Variants in TMPRSS15 observed in about 807,000 individuals in gnomAD.
TMPRSS15 encodes enteropeptidase.
A neutral mutation model predicts 125.3 loss-of-function variants in TMPRSS15; 128 were observed. That is an observed-to-expected ratio of 1.02 (90% CI 0.89 to 1.18). TMPRSS15 has a LOEUF of 1.18. Ranked by LOEUF, TMPRSS15 falls within the 50% of genes most tolerant of loss-of-function variation. The probability of loss-of-function intolerance (pLI) is 0.00; values close to 1 mark genes in which losing one functional copy is unlikely to be tolerated. For missense variants in TMPRSS15, 1,283 were observed against 1,212.7 expected, an observed-to-expected ratio of 1.06 and a Z score of -0.86; for synonymous variants, 446 against 423.2, an observed-to-expected ratio of 1.05 and a Z score of -0.66.
At chr21:18,325,092 G>A (rs1056802752) in intron 16 of TMPRSS15, among the ~76,000 whole-genome samples, 1 of 146,378 alleles carries the variant, frequency 6.8e-6, no homozygotes, top group South Asian at 2.1e-4. Flanking sequence ...ACACACACAC[G>A]CTTATGTAAA....
intron 1 of TMPRSS15, among the ~76,000 whole-genome samples, chr21:18,456,416 G>A (rs1001075903): frequency 6.6e-6 from 1 of 152,176 alleles, no homozygotes; most frequent in Middle Eastern, 3.4e-3. Context: ...TATAATTCAT[G>A]TTAATTAAAC....
chr21:18,327,151 T>A (rs1040713977), intron 15 of TMPRSS15, among the ~76,000 whole-genome samples: 1 of 152,220 alleles, frequency 6.6e-6, no homozygotes, highest in Non-Finnish European at 1.5e-5. Flanking sequence ...AAGTTTTATA[T>A]GTTGGAAGCC....
At chr21:18,446,501 A>T (rs1337896207) in intron 1 of TMPRSS15, among the ~76,000 whole-genome samples, 1 of 152,230 alleles carries the variant, frequency 6.6e-6, no homozygotes, top group Non-Finnish European at 1.5e-5. Flanking sequence ...AAGCAATTCC[A>T]AGCAAAAAGA....
intron 10 of TMPRSS15, among the ~76,000 whole-genome samples, chr21:18,349,319 A>C (rs770156965): frequency 1.3e-5 from 2 of 152,170 alleles, no homozygotes; most frequent in Non-Finnish European, 1.5e-5. Context: ...TGCTTCTAAG[A>C]GGTACAGAGA....
chr21:18,297,762 G>A lies in TMPRSS15; in HGVS notation c.2233C>T (p.Pro745Ser). The A allele has an allele frequency of 6.2e-7, 1 of 1,613,752 alleles. No homozygotes were observed. Among genetic ancestry groups the A allele is most frequent in the Non-Finnish European group, 8.5e-7 (1 of 1,179,750 alleles). ...GGTGTTAGTATTAAGTGGCCATCAG[G>A]TGCTGTGTTTAATTTGACAAATGGT... ...GGPFVKLNTA[P>S]DGHLILTPSQ... The change falls in exon 19 of 25, where the codon CCT becomes TCT. Residue 745 changes from proline to serine, a missense_variant. Physicochemically the swap from Pro to Ser is moderately conservative, Grantham distance 74. Coordinates refer to ENST00000284885, the MANE Select transcript of TMPRSS15 (RefSeq NM_002772.3).
chr21:18,365,296 C>G (rs760090300), intron 6 of TMPRSS15, 48 bp from the exon 7 acceptor site: 1 of 1,441,806 alleles, frequency 6.9e-7, no homozygotes, highest in East Asian at 2.3e-5. Flanking sequence ...TCTTGGGATT[C>G]AAATTGGCTG....
chr21:18,380,213 A>G (rs1354965648), intron 4 of TMPRSS15, among the ~76,000 whole-genome samples: 1 of 149,688 alleles, frequency 6.7e-6, no homozygotes, highest in Non-Finnish European at 1.5e-5. Context: ...ACACTCATAT[A>G]TCTCTCATAT....
At chr21:18,334,000 G>T (rs2075368291) in intron 13 of TMPRSS15, among the ~76,000 whole-genome samples, 1 of 151,962 alleles carries the variant, frequency 6.6e-6, no homozygotes, top group South Asian at 2.1e-4. Context: ...TATTATGAAA[G>T]GCATATAATA....
intron 24 of TMPRSS15, among the ~76,000 whole-genome samples, chr21:18,274,290 G>T (rs1209333632): frequency 6.6e-6 from 1 of 152,116 alleles, no homozygotes; most frequent in African/African-American, 2.4e-5. Flanking sequence ...TCACCAATAA[G>T]TGTTAAAGCC....
At chr21:18,342,884 C>T (rs2075463215) in intron 12 of TMPRSS15, among the ~76,000 whole-genome samples, 1 of 152,280 alleles carries the variant, frequency 6.6e-6, no homozygotes, top group Admixed American at 6.5e-5. Flanking sequence ...TGAAATTACC[C>T]ATTTAAAACA....
chr21:18,473,549 C>T (rs1568737109), intron 1 of TMPRSS15, among the ~76,000 whole-genome samples: 1 of 152,008 alleles, frequency 6.6e-6, no homozygotes, highest in Non-Finnish European at 1.5e-5. Context: ...TTATTTTACC[C>T]ATTATAAGTT....
chr21:18,273,716 T>A (rs1041209761), intron 24 of TMPRSS15, among the ~76,000 whole-genome samples: 6 of 152,208 alleles, frequency 3.9e-5, no homozygotes, highest in Non-Finnish European at 8.8e-5. Flanking sequence ...ATAGATCTCC[T>A]TCTAAGTGGC....
chr21:18,350,882 C>G (rs1393307552), intron 10 of TMPRSS15, among the ~76,000 whole-genome samples: 1 of 151,776 alleles, frequency 6.6e-6, no homozygotes, highest in East Asian at 1.9e-4. Flanking sequence ...GCCTGGAGCT[C>G]AATAAATGCT....
chr21:18,315,406 T>C (rs13049960), intron 16 of TMPRSS15, 150 bp from the exon 17 acceptor site: 35 of 652,296 alleles, frequency 5.4e-5, no homozygotes, highest in Admixed American at 2.3e-5. Context: ...TGAGAGTTAA[T>C]GGGTGCAGCA....
intron 21 of TMPRSS15, among the ~76,000 whole-genome samples, chr21:18,288,684 G>A (rs1296336671): frequency 5.3e-5 from 8 of 151,678 alleles, no homozygotes. Context: ...GGGACTACAG[G>A]CGCATGCTGC....
chr21:18,407,851 T>C (rs927049391), upstream of TMPRSS15, among the ~76,000 whole-genome samples: 1 of 152,130 alleles, frequency 6.6e-6, no homozygotes, highest in Non-Finnish European at 1.5e-5. Flanking sequence ...AATACATATT[T>C]GGGATGGCAA....
intron 1 of TMPRSS15, among the ~76,000 whole-genome samples, chr21:18,462,878 G>A (rs1051114718): frequency 3.9e-5 from 6 of 152,018 alleles, no homozygotes; most frequent in Non-Finnish European, 8.8e-5. Context: ...AACTCTATAA[G>A]CCAGAGAGAG....
intron 1 of TMPRSS15, among the ~76,000 whole-genome samples, chr21:18,453,423 C>T (rs1306712438): frequency 3.9e-5 from 6 of 152,154 alleles, no homozygotes; most frequent in Admixed American, 1.3e-4. Context: ...TGTGCATATA[C>T]GCACATATAT....
intron 1 of TMPRSS15, among the ~76,000 whole-genome samples, chr21:18,415,154 C>T (rs925247148): frequency 6.6e-6 from 1 of 152,064 alleles, no homozygotes; most frequent in Non-Finnish European, 1.5e-5. Context: ...ATTTCTGTGT[C>T]TTCTTTGGAG....
Sources: allele counts gnomAD v4.1 joint callset (sites outside exome capture counted in the v4.1 genomes callset), GRCh38; gene constraint gnomAD v4.1.1; transcripts MANE v1.5; gene names NCBI Gene and HGNC (gene_info 2026-07-23, HGNC 2026-07-21).